CCDC178: variants seen among roughly 807,000 people sequenced by gnomAD.
CCDC178 encodes coiled-coil domain containing 178.
A neutral mutation model predicts 117.4 loss-of-function variants in CCDC178; 126 were observed. That is an observed-to-expected ratio of 1.07 (90% confidence interval 0.93 to 1.24). The LOEUF is 1.24. Ranked by LOEUF, CCDC178 falls within the 50% of genes most tolerant of loss-of-function variation. CCDC178 has a pLI of 0.00. For missense variants in CCDC178, 1,030 were observed against 986.9 expected (o/e 1.04, Z -0.59); for synonymous variants, 283 against 313.4 (o/e 0.90, Z 1.02).
chr18:33,052,796 A>AT (rs563867747), intron 21 of CCDC178, among the ~76,000 whole-genome samples: 3 of 151,976 alleles, frequency 2.0e-5, no homozygotes, highest in African/African-American at 4.8e-5. Context: ...ATTTAAAAAA[A>AT]TTTTTTTTAA....
intron 11 of CCDC178, among the ~76,000 whole-genome samples, chr18:33,303,188 A>G (rs1289439139): frequency 6.6e-6 from 1 of 152,184 alleles, no homozygotes; most frequent in Non-Finnish European, 1.5e-5. Context: ...AAGCCATGGA[A>G]AGACAAGGAG....
intron 19 of CCDC178, 59 bp downstream of exon 19, chr18:33,215,491 G>T: frequency 1.1e-6 from 1 of 932,460 alleles, no homozygotes; most frequent in South Asian, 2.5e-5. Context: ...ATGGAAATTT[G>T]ATCTTATTTA....
chr18:33,150,187 T>C (rs557809921), intron 20 of CCDC178, among the ~76,000 whole-genome samples: 10 of 152,228 alleles, frequency 6.6e-5, no homozygotes, highest in African/African-American at 2.4e-4. Flanking sequence ...AGGCCACATG[T>C]AGAAGAATAA....
intron 17 of CCDC178, among the ~76,000 whole-genome samples, chr18:33,224,300 T>C (rs2059274569): frequency 6.6e-6 from 1 of 152,188 alleles, no homozygotes; most frequent in Admixed American, 6.5e-5. Flanking sequence ...TGGGAAGGGC[T>C]AGTGATATCA....
intron 11 of CCDC178, among the ~76,000 whole-genome samples, chr18:33,306,476 ATATATAATATATGGT>A (rs1327572852): frequency 1.1e-4 from 16 of 144,190 alleles, no homozygotes; most frequent in African/African-American, 3.3e-4. Context: ...ATATATGGTT[ATATATAATATATGGT>A]TATATATATA....
At chr18:32,977,075 G>A (rs2055043685) in intron 21 of CCDC178, among the ~76,000 whole-genome samples, 1 of 152,054 alleles carries the variant, frequency 6.6e-6, no homozygotes, top group South Asian at 2.1e-4. Context: ...TTGTCAATGT[G>A]ACTTATTTAA....
intron 5 of CCDC178, among the ~76,000 whole-genome samples, chr18:33,379,383 G>A (rs1013579331): frequency 1.3e-5 from 2 of 151,886 alleles, no homozygotes; most frequent in African/African-American, 4.8e-5. Context: ...CCACTTATGC[G>A]TGGCAGCCAG....
At chr18:33,322,950 T>C in intron 11 of CCDC178, among the ~76,000 whole-genome samples, 1 of 151,242 alleles carries the variant, frequency 6.6e-6, no homozygotes, top group East Asian at 1.9e-4. Flanking sequence ...AAAGAAGTTA[T>C]AGTCAACAAA....
chr18:33,438,638 T>C (rs565439122), intron 2 of CCDC178, among the ~76,000 whole-genome samples: 3 of 152,096 alleles, frequency 2.0e-5, no homozygotes, highest in Admixed American at 1.3e-4. Context: ...TGCAACCATC[T>C]GCTTGTAGAT....
chr18:33,378,453 A>G (rs551369304), intron 5 of CCDC178, among the ~76,000 whole-genome samples: 2 of 152,170 alleles, frequency 1.3e-5, no homozygotes, highest in East Asian at 1.9e-4. Context: ...CCTGATTGCT[A>G]TGGCAAGGAC....
At chr18:33,178,990 C>T (rs1305562787) in intron 20 of CCDC178, among the ~76,000 whole-genome samples, 1 of 140,424 alleles carries the variant, frequency 7.1e-6, no homozygotes, top group African/African-American at 2.7e-5. Context: ...TCAACAATAT[C>T]TGGCATGTGT....
intron 20 of CCDC178, among the ~76,000 whole-genome samples, chr18:33,149,968 T>A (rs981360962): frequency 6.6e-6 from 1 of 152,160 alleles, no homozygotes; most frequent in African/African-American, 2.4e-5. Flanking sequence ...TCTGGAGATA[T>A]CACATTACCT....
intron 12 of CCDC178, among the ~76,000 whole-genome samples, chr18:33,272,036 G>C (rs552836012): frequency 6.6e-6 from 1 of 151,310 alleles, no homozygotes; most frequent in East Asian, 1.9e-4. Flanking sequence ...GCAAGTAAAA[G>C]AATGAAAATT....
intron 15 of CCDC178, among the ~76,000 whole-genome samples, chr18:33,243,325 G>A (rs530314641): frequency 4.0e-5 from 6 of 151,838 alleles, no homozygotes; most frequent in African/African-American, 1.4e-4. Flanking sequence ...ATAAGTTCTC[G>A]TGTTCCATAC....
At chr18:33,169,919 T>A (rs1031853540) in intron 20 of CCDC178, among the ~76,000 whole-genome samples, 5 of 152,146 alleles carry the variant, frequency 3.3e-5, no homozygotes, top group African/African-American at 4.8e-5. Flanking sequence ...CCAGCTTACA[T>A]AGCAAGCAAG....
At chr18:33,428,565 C>A (rs34530248) in intron 2 of CCDC178, among the ~76,000 whole-genome samples, 4 of 151,574 alleles carry the variant, frequency 2.6e-5, no homozygotes, top group Admixed American at 2.6e-4. Flanking sequence ...AACCCCATCT[C>A]TACTAAAAAT....
intron 21 of CCDC178, among the ~76,000 whole-genome samples, chr18:32,981,357 T>C (rs1473674379): frequency 6.6e-6 from 1 of 152,138 alleles, no homozygotes; most frequent in Non-Finnish European, 1.5e-5. Flanking sequence ...AGGGGAATAA[T>C]AATAGGAAGA....
chr18:33,120,868 T>C (rs934788561), intron 20 of CCDC178, among the ~76,000 whole-genome samples: 5 of 152,308 alleles, frequency 3.3e-5, no homozygotes, highest in Non-Finnish European at 5.9e-5. Context: ...GAATGAATAC[T>C]ATTCAAGGAT....
chr18:33,140,441 T>C (rs2058187802), intron 20 of CCDC178, among the ~76,000 whole-genome samples: 1 of 152,200 alleles, frequency 6.6e-6, no homozygotes, highest in Admixed American at 6.5e-5. Context: ...GGGACGGAGC[T>C]GCCCAAGATC....
Sources: gnomAD v4.1 joint callset for allele counts (sites outside exome capture counted in the v4.1 genomes callset) on GRCh38, gnomAD v4.1.1 for gene constraint, MANE v1.5 for transcripts, NCBI Gene and HGNC (gene_info 2026-07-23, HGNC 2026-07-21) for gene names.